NCF2: variants seen among roughly 807,000 people sequenced by gnomAD.
The protein encoded by NCF2 is neutrophil cytosolic factor 2.
Under a neutral mutation model 70.9 loss-of-function variants are expected in NCF2, and 45 were observed. The ratio of observed to expected loss-of-function variants is 0.63; its 90% CI spans 0.50 to 0.81. The LOEUF (loss-of-function observed/expected upper bound fraction) is 0.81, where lower values mean the gene tolerates loss of function less well. Ranked by LOEUF, NCF2 falls within the 40% of genes least tolerant of loss-of-function variation. The pLI is 0.00. For missense variants in NCF2, 522 were observed against 631.6 expected (o/e 0.83, Z 1.86); for synonymous variants, 203 against 233.6 (o/e 0.87, Z 1.19).
At chr1:183,599,444 T>TTCTTTCTTTCTTTCTTTCTTTCTTTC in the NCF2 span, among the ~76,000 whole-genome samples, 2 of 103,660 alleles carry the variant, frequency 1.9e-5, no homozygotes, top group African/African-American at 6.6e-5. Flanking sequence ...CTTTCTTTCT[T>TTCTTTCTTTCTTTCTTTCTTTCTTTC]TCTTTCTTTC....
rs1359681025 is a variant in NCF2, at chr1:183,567,193, C to T, written c.855+11G>A. The T allele has an allele frequency of 1.1e-5, 18 of 1,614,026 alleles. No individual in the cohort carries two copies. Among genetic ancestry groups the T allele is most frequent in the Non-Finnish European group, 1.4e-5 (16 of 1,180,038 alleles). Reference sequence around the variant, plus strand: ...CATGCCCATCGCACCAGCCCCTGATCCTCTGCATACCTGCCCGTTGAACAT... The same window carrying T: ...CATGCCCATCGCACCAGCCCCTGATTCTCTGCATACCTGCCCGTTGAACAT... On this transcript the variant is annotated intron_variant, in intron 8 of 14. Coordinates refer to ENST00000367535, the MANE Select transcript of NCF2 (RefSeq NM_000433.4).
intron 13 of NCF2, among the ~76,000 whole-genome samples, 197 bp from the exon 14 acceptor site, chr1:183,560,470 G>A (rs1292271771): frequency 1.3e-5 from 2 of 152,166 alleles, no homozygotes; most frequent in Non-Finnish European, 2.9e-5. Flanking sequence ...AACCTTTTTG[G>A]CACGAGGGAC....
chr1:183,595,941 A>ACACCTCAGCAGCTCCAGTCTTCTTCC, the NCF2 span, among the ~76,000 whole-genome samples: 4 of 152,166 alleles, frequency 2.6e-5, no homozygotes, highest in Non-Finnish European at 5.9e-5. Context: ...TCCACCTGCC[A>ACACCTCAGCAGCTCCAGTCTTCTTCC]CACCTCAGCA....
the NCF2 span, among the ~76,000 whole-genome samples, chr1:183,597,503 TTTGTCACG>T: frequency 6.6e-6 from 1 of 152,132 alleles, no homozygotes; most frequent in Non-Finnish European, 1.5e-5. Flanking sequence ...CATGTGTAGG[TTTGTCACG>T]TGGTATATTG....
chr1:183,597,349 T>C, the NCF2 span, among the ~76,000 whole-genome samples: 116 of 152,316 alleles, frequency 7.6e-4, 1 homozygote, highest in African/African-American at 2.7e-3. Flanking sequence ...GAAATGATGC[T>C]CTAACAAGAC....
chr1:183,565,625 A>G, intron 10 of NCF2, 79 bp downstream of exon 10: 1 of 1,405,940 alleles, frequency 7.1e-7, no homozygotes, highest in Non-Finnish European at 1.0e-6. Flanking sequence ...AATTTCCTGG[A>G]AGGCAGGGAG....
rs1217273386 is a variant in NCF2, at chr1:183,563,731, A to G, written c.1027-146T>C. The G allele has an allele frequency of 6.7e-6, 7 of 1,044,518 alleles. No individual in the cohort carries two copies. The South Asian group carries it at 7.0e-5, about 10-fold the overall frequency. 64.7% of individuals were successfully genotyped at this position (1,044,518 alleles called of 1,614,324 possible). ...TAAGTAACTGGTTTCACAGTAGCCT[A>G]AAAGGCCTTCAGAGGTCCTTTAGCC... On this transcript the variant is annotated intron_variant, in intron 11 of 14. Coordinates refer to ENST00000367535, the MANE Select transcript of NCF2 (RefSeq NM_000433.4).
Position 183,563,256 on chromosome 1 carries a change from A to C in NCF2, c.1229T>G (p.Met410Arg). The C allele has an allele frequency of 6.2e-7, 1 of 1,614,202 alleles. No individual in the cohort carries two copies. Among genetic ancestry groups the C allele is most frequent in the East Asian group, 2.2e-5 (1 of 44,878 alleles). ...TTTCACCTGGCCCCAGGCATCCTTC[A>C]TGCTGTCTTCTGAAAGGGGCACCAG... ...NELVPLSEDS[M>R]KDAWGQVKNY... The change falls in exon 13 of 15, where the codon ATG (methionine) becomes AGG (arginine). Residue 410 changes from methionine (M) to arginine (R), a missense_variant. By Grantham distance (91) the Met-to-Arg change is moderately conservative. Coordinates refer to ENST00000367535, the MANE Select transcript of NCF2 (RefSeq NM_000433.4).
upstream of NCF2, among the ~76,000 whole-genome samples, chr1:183,591,576 G>A (rs1673648819): frequency 6.6e-6 from 1 of 150,448 alleles, no homozygotes; most frequent in African/African-American, 2.5e-5. Flanking sequence ...TCTGCCTCCT[G>A]GGTTCAAGCA....
At chr1:183,601,088 G>A in the NCF2 span, among the ~76,000 whole-genome samples, 1 of 152,264 alleles carries the variant, frequency 6.6e-6, no homozygotes, top group South Asian at 2.1e-4. Flanking sequence ...TCCTCTCAGT[G>A]TCAAACTCTT....
intron 1 of NCF2, among the ~76,000 whole-genome samples, chr1:183,587,772 C>T (rs564247013): frequency 2.0e-5 from 3 of 152,096 alleles, no homozygotes; most frequent in African/African-American, 4.8e-5. Context: ...CAATATGAAG[C>T]GCCTTCTTTG....
At chr1:183,587,451 A>G (rs1205759757) in intron 1 of NCF2, among the ~76,000 whole-genome samples, 1 of 152,002 alleles carries the variant, frequency 6.6e-6, no homozygotes. Context: ...AAAATTAGTC[A>G]GATGTGGTGG....
chr1:183,577,507 G>T, intron 3 of NCF2, 92 bp downstream of exon 3: 1 of 1,046,578 alleles, frequency 9.6e-7, no homozygotes, highest in Non-Finnish European at 1.5e-6. Flanking sequence ...CCAAGCTCCT[G>T]GAGGTGTCAA....
intron 2 of NCF2, among the ~76,000 whole-genome samples, chr1:183,581,727 G>T (rs1403741091): frequency 6.6e-6 from 1 of 151,494 alleles, no homozygotes; most frequent in Non-Finnish European, 1.5e-5. Context: ...GGAGTGCAGT[G>T]GCGCGATCTC....
At chr1:183,558,610 G>A (rs998638785) in intron 14 of NCF2, among the ~76,000 whole-genome samples, 4 of 151,814 alleles carry the variant, frequency 2.6e-5, no homozygotes, top group Non-Finnish European at 5.9e-5. Context: ...CTGTCACCCA[G>A]GCTGGAGGGC....
At chr1:183,558,710 G>A (rs1671905997) in intron 14 of NCF2, among the ~76,000 whole-genome samples, 1 of 151,846 alleles carries the variant, frequency 6.6e-6, no homozygotes, top group Admixed American at 6.6e-5. Flanking sequence ...GACTACAGAT[G>A]TGCATCACCA....
chr1:183,556,384 T>C (rs1290402755), intron 14 of NCF2, among the ~76,000 whole-genome samples, 154 bp from the exon 15 acceptor site: 2 of 152,120 alleles, frequency 1.3e-5, no homozygotes, highest in Non-Finnish European at 2.9e-5. Flanking sequence ...GGTTTGAGAG[T>C]GAACACAGGG....
chr1:183,558,042 T>C (rs947195034), intron 14 of NCF2, among the ~76,000 whole-genome samples: 1 of 151,868 alleles, frequency 6.6e-6, no homozygotes, highest in African/African-American at 2.4e-5. Context: ...GCCTGGCTAA[T>C]TTTTTTATTT....
rs561379130 is a variant in NCF2, at chr1:183,568,527, G to T, written c.713+615C>A. ...CCAGGCTTGCTTCATCACTTTGAGA[G>T]AATTCTTAAGAAAGCTGTAGGTTAT... is the stretch of plus-strand genomic sequence containing the variant. On this transcript the variant is annotated intron_variant, in intron 7 of 14. Coordinates refer to ENST00000367535, the MANE Select transcript of NCF2 (RefSeq NM_000433.4). Among the ~76,000 whole-genome samples the T allele has an allele frequency of 6.9e-4, 105 of 152,006 alleles. 1 individual carries two copies. The highest frequency in any genetic ancestry group is 2.3e-3 in the African/African-American group (95 of 41,450).
Sources: gnomAD v4.1 joint callset for allele counts (sites outside exome capture counted in the v4.1 genomes callset) on GRCh38, gnomAD v4.1.1 for gene constraint, MANE v1.5 for transcripts, NCBI Gene and HGNC (gene_info 2026-07-23, HGNC 2026-07-21) for gene names.